ARHGEF26: variants seen among roughly 807,000 people sequenced by gnomAD.
The protein encoded by ARHGEF26 is Rho guanine nucleotide exchange factor (GEF) 26.
Under a neutral mutation model 89.4 loss-of-function variants are expected in ARHGEF26, and 59 were observed. The observed-to-expected ratio is 0.66, with a 90% CI of 0.54 to 0.82. The LOEUF (loss-of-function observed/expected upper bound fraction) is 0.82, where lower values mean the gene tolerates loss of function less well. Ranked by LOEUF, ARHGEF26 falls within the 40% of genes least tolerant of loss-of-function variation. The pLI is 0.00. For synonymous variants in ARHGEF26, 500 were observed against 428.4 expected, an observed-to-expected ratio of 1.17 and a Z score of -2.06; for missense variants, 1,234 against 1,085.6, an observed-to-expected ratio of 1.14 and a Z score of -1.92.
intron 3 of ARHGEF26, among the ~76,000 whole-genome samples, chr3:154,128,216 A>G (rs1210803807): frequency 1.3e-5 from 2 of 152,128 alleles, no homozygotes; most frequent in Admixed American, 6.6e-5. Context: ...GCCCTACATG[A>G]TCAGCCCTCT....
Position 154,122,043 on chromosome 3 carries a change from G to A in ARHGEF26, c.51G>A (p.Leu17=), listed in dbSNP as rs1717964389. The part of the protein sequence containing the change: ...VDFSSNSITP[L]WRRRSIPQPH... ...TTTCTAGCAACAGCATAACCCCTTT[G>A]TGGCGGAGGCGGTCGATTCCTCAGC... Residue 17 remains leucine (L), a synonymous_variant, in exon 2 of 15, where the codon TTG becomes TTA. Coordinates refer to ENST00000465093, the MANE Select transcript of ARHGEF26 (RefSeq NM_015595.4). 1 of 1,611,574 alleles carries A rather than the reference G, an allele frequency of 6.2e-7. No homozygotes were observed. Among genetic ancestry groups the A allele is most frequent in the African/African-American group, 1.3e-5 (1 of 74,866 alleles).
chr3:154,183,977 C>CTTTTTTTT (rs548153454), intron 6 of ARHGEF26, among the ~76,000 whole-genome samples: 20,303 of 138,908 alleles, frequency 0.15, 1,734 homozygotes, highest in South Asian at 0.28. Flanking sequence ...AATTTTCTTT[C>CTTTTTTTT]TTTTTTTTTT....
At chr3:154,137,498 A>C (rs1307556204) in intron 4 of ARHGEF26, among the ~76,000 whole-genome samples, 1 of 152,194 alleles carries the variant, frequency 6.6e-6, no homozygotes, top group Non-Finnish European at 1.5e-5. Flanking sequence ...GGACTAAGAC[A>C]TACCCCAATT....
intron 3 of ARHGEF26, among the ~76,000 whole-genome samples, chr3:154,127,390 T>G (rs986107108): frequency 1.3e-5 from 2 of 152,192 alleles, no homozygotes; most frequent in Non-Finnish European, 2.9e-5. Context: ...TCATTTTTAC[T>G]TTTTAAATTC....
chr3:154,217,885 A>C lies in ARHGEF26; in HGVS notation c.1862A>C (p.Asn621Thr), dbSNP rs576107579. 3 of 1,600,644 alleles carry C rather than the reference A, an allele frequency of 1.9e-6. No homozygotes were observed. The Admixed American group carries it at 5.2e-5, about 28-fold the overall frequency. Residue 621 changes from asparagine to threonine, a missense_variant, in exon 10 of 15, where the codon AAT (asparagine) becomes ACT (threonine). Transcript: ENST00000465093. ...TGTTCCCAGTTGGTTCGACTATGCA[A>C]TGAGGGCGCCCGGAAGATGGAAAGG... ...KEVSKLVRLCNEGARKMERTE... is the reference protein window; with the variant it reads ...KEVSKLVRLCTEGARKMERTE...
chr3:154,171,967 A>AT (rs924206807), intron 6 of ARHGEF26, among the ~76,000 whole-genome samples: 1 of 151,898 alleles, frequency 6.6e-6, no homozygotes, highest in East Asian at 1.9e-4. Context: ...GCAGGATGTA[A>AT]TTTTTTTTCT....
intron 4 of ARHGEF26, among the ~76,000 whole-genome samples, chr3:154,143,933 A>G (rs962743530): frequency 5.9e-5 from 9 of 152,358 alleles, no homozygotes; most frequent in East Asian, 5.8e-4. Flanking sequence ...TAGAGAATAC[A>G]TAAATTTTAG....
At chr3:154,164,072 A>G (rs1008300504) in intron 6 of ARHGEF26, among the ~76,000 whole-genome samples, 1 of 152,164 alleles carries the variant, frequency 6.6e-6, no homozygotes, top group African/African-American at 2.4e-5. Context: ...TTGGTCTAAA[A>G]AATCTGTTTT....
rs1393001000 is a variant in ARHGEF26, at chr3:154,129,581, T to C, written c.1131T>C (p.Ala377=). 5 of 1,611,528 alleles carry C rather than the reference T, an allele frequency of 3.1e-6. No homozygotes were observed. Among genetic ancestry groups the C allele is most frequent in the Admixed American group, 3.4e-5 (2 of 59,680 alleles). The part of the protein sequence containing the change: ...GQGTFDGEEN[A]VLYQNYKEKA... ...GGCCTTGTTTTCTTGCAGAAAATGC[T>C]GTCCTGTATCAAAACTACAAGGAAA... is the stretch of plus-strand genomic sequence containing the variant. Residue 377 remains alanine, a synonymous_variant, in exon 4 of 15, where the codon GCT becomes GCC. Coordinates refer to ENST00000465093, the MANE Select transcript of ARHGEF26 (RefSeq NM_015595.4).
chr3:154,241,722 T>A (rs1278005973), intron 12 of ARHGEF26, among the ~76,000 whole-genome samples: 1 of 152,182 alleles, frequency 6.6e-6, no homozygotes, highest in Non-Finnish European at 1.5e-5. Context: ...GGTCAGTGGA[T>A]GGAAACTTAC....
At position 154,226,395 on chromosome 3, in the gene ARHGEF26, G is replaced by T. The variant is rs74580036; in HGVS notation, c.2090+385G>T. Among the ~76,000 whole-genome samples the T allele has an allele frequency of 7.8e-3, 1,190 of 152,264 alleles. 11 individuals are homozygous for T. The highest frequency in any genetic ancestry group is 0.027 in the African/African-American group (1,136 of 41,554). ...GGTCCAGTTGAGAACAGGTTGGGGA[G>T]CAACTCTAGTGCTCCTTTTAACTTA... On this transcript the variant is annotated intron_variant, in intron 11 of 14. Coordinates refer to ENST00000465093, the MANE Select transcript of ARHGEF26 (RefSeq NM_015595.4).
chr3:154,183,611 A>G (rs1414676115), intron 6 of ARHGEF26, among the ~76,000 whole-genome samples: 3 of 152,238 alleles, frequency 2.0e-5, no homozygotes, highest in African/African-American at 4.8e-5. Flanking sequence ...TTAGTAAAGT[A>G]TGCAAATTTT....
intron 5 of ARHGEF26, among the ~76,000 whole-genome samples, chr3:154,149,917 T>G: frequency 6.8e-6 from 1 of 147,700 alleles, no homozygotes; most frequent in East Asian, 2.1e-4. Flanking sequence ...AATAAAAAGT[T>G]TATTTAGTAA....
chr3:154,124,377 T>G, intron 2 of ARHGEF26, 33 bp from the exon 3 acceptor site: 2 of 1,377,670 alleles, frequency 1.5e-6, no homozygotes, highest in Non-Finnish European at 1.9e-6. Context: ...TTTTCCTTTT[T>G]TTTTTTTTTT....
At chr3:154,170,263 AG>A (rs1406140264) in intron 6 of ARHGEF26, among the ~76,000 whole-genome samples, 3 of 152,064 alleles carry the variant, frequency 2.0e-5, no homozygotes, top group African/African-American at 4.8e-5. Context: ...TCAGGAGCTG[AG>A]GTGGGAGGAC....
Position 154,218,826 on chromosome 3 carries a change from C to T in ARHGEF26, c.1935+868C>T, listed in dbSNP as rs1303484371. Among the ~76,000 whole-genome samples the T allele has an allele frequency of 3.3e-5, 5 of 152,236 alleles. No homozygotes were observed. The East Asian group carries it at 9.7e-4, about 29-fold the overall frequency. ...GATCACTGATATAGTCCAGCTACAC[C>T]CTTTTATTTTATGAATGAGGAAAAG... On this transcript the variant is annotated intron_variant, in intron 10 of 14. Transcript: ENST00000465093.
In ARHGEF26 at chr3:154,233,601, G is replaced by C. The variant is rs746335865; in HGVS notation, c.2091-6769G>C. Among the ~76,000 whole-genome samples, 7 of 152,358 alleles carry C rather than the reference G, an allele frequency of 4.6e-5. No homozygotes were observed. The South Asian group carries it at 1.2e-3, about 27-fold the overall frequency. ...AATTCCTCAGAGGGATTTAATGCAC[G>C]ACAGTCTAGAAGAGGATCTTGGAGA... On this transcript the variant is annotated intron_variant, in intron 11 of 14. Coordinates refer to ENST00000465093, the MANE Select transcript of ARHGEF26 (RefSeq NM_015595.4).
intron 9 of ARHGEF26, among the ~76,000 whole-genome samples, chr3:154,214,739 C>G (rs1047116801): frequency 4.6e-5 from 7 of 152,144 alleles, no homozygotes; most frequent in African/African-American, 1.7e-4. Context: ...TCCCAAGCAG[C>G]AGGAGCCTGG....
intron 11 of ARHGEF26, among the ~76,000 whole-genome samples, chr3:154,232,840 T>A (rs1297994129): frequency 6.6e-6 from 1 of 151,616 alleles, no homozygotes; most frequent in Non-Finnish European, 1.5e-5. Context: ...GTTTCTTTCT[T>A]TCTTTTTTTT....
Sources: allele counts gnomAD v4.1 joint callset (sites outside exome capture counted in the v4.1 genomes callset), GRCh38; gene constraint gnomAD v4.1.1; transcripts MANE v1.5; gene names NCBI Gene and HGNC (gene_info 2026-07-23, HGNC 2026-07-21).